COL26A1: variants seen among roughly 807,000 people sequenced by gnomAD.
COL26A1 encodes collagen type XXVI alpha 1 chain, also known as collagen alpha-1(XXVI) chain.
In COL26A1, 41 loss-of-function variants were observed where a neutral mutation model predicts 59.3. The ratio of observed to expected loss-of-function variants is 0.69; its 90% CI spans 0.54 to 0.90. The LOEUF (loss-of-function observed/expected upper bound fraction) is 0.90. Ranked by LOEUF, COL26A1 falls within the 40% of genes least tolerant of loss-of-function variation. The pLI, the probability that COL26A1 is intolerant of heterozygous loss-of-function variation, is 0.00. For missense variants in COL26A1, 612 were observed against 602.3 expected, an observed-to-expected ratio of 1.02 and a Z score of -0.17; for synonymous variants, 266 against 256.0, an observed-to-expected ratio of 1.04 and a Z score of -0.37.
chr7:101,471,571 G>GTTGTTTTTTTTT (rs1793903750), intron 3 of COL26A1, among the ~76,000 whole-genome samples: 2 of 93,014 alleles, frequency 2.2e-5, no homozygotes, highest in African/African-American at 7.8e-5. Context: ...GTTGTTGTTT[G>GTTGTTTTTTTTT]TTTTTTTTTT....
At chr7:101,366,474 ATTTTTTT>A (rs869149636) in intron 1 of COL26A1, among the ~76,000 whole-genome samples, 35 of 76,204 alleles carry the variant, frequency 4.6e-4, no homozygotes, top group African/African-American at 1.1e-3. Flanking sequence ...TTAACGTCTG[ATTTTTTT>A]TTTTTTTTTT....
At chr7:101,500,188 G>A (rs1002905724) in intron 3 of COL26A1, among the ~76,000 whole-genome samples, 2 of 152,174 alleles carry the variant, frequency 1.3e-5, no homozygotes, top group South Asian at 2.1e-4. Context: ...CAACGTCCCC[G>A]CCTCTCTCGC....
intron 1 of COL26A1, among the ~76,000 whole-genome samples, chr7:101,407,380 G>A (rs1474224036): frequency 3.9e-5 from 6 of 152,006 alleles, no homozygotes; most frequent in Non-Finnish European, 8.8e-5. Flanking sequence ...TCTAGAGAGG[G>A]CAGGTCTGAG....
intron 3 of COL26A1, among the ~76,000 whole-genome samples, chr7:101,481,688 C>T (rs1343184755): frequency 1.3e-5 from 2 of 151,620 alleles, no homozygotes; most frequent in Non-Finnish European, 2.9e-5. Flanking sequence ...TGGCCTCAAG[C>T]AATCCTCCTG....
At chr7:101,524,638 G>A (rs1167570008) in intron 3 of COL26A1, among the ~76,000 whole-genome samples, 1 of 152,138 alleles carries the variant, frequency 6.6e-6, no homozygotes, top group Admixed American at 6.6e-5. Context: ...TCTCAGTGGT[G>A]TTTTATAGTT....
intron 3 of COL26A1, among the ~76,000 whole-genome samples, chr7:101,495,664 C>T (rs1209775271): frequency 6.6e-6 from 1 of 151,206 alleles, no homozygotes; most frequent in East Asian, 2.0e-4. Context: ...TGTGATCCGC[C>T]CACCTCGGCC....
Position 101,363,040 on chromosome 7 carries a change from T to TGGCCCTGCTCC in COL26A1, c.9_19dup (p.Leu7ArgfsTer58), listed in dbSNP as rs1790933195. ...CGCGGGCTGCTGCGCACGATGAAGC[T>TGGCCCTGCTCC]GGCCCTGCTCCTGCCCTGGGCGTGT... On this transcript the variant is annotated frameshift_variant, in exon 1 of 13. Transcript: ENST00000313669. LOFTEE classifies it high-confidence loss of function. 2 of 1,578,970 alleles carry TGGCCCTGCTCC rather than the reference T, an allele frequency of 1.3e-6. No individual in the cohort carries two copies. The highest frequency in any genetic ancestry group is 1.7e-6 in the Non-Finnish European group (2 of 1,171,710).
chr7:101,372,071 C>G (rs1791208096), intron 1 of COL26A1, among the ~76,000 whole-genome samples: 1 of 152,164 alleles, frequency 6.6e-6, no homozygotes. Context: ...ACCCTCTGTT[C>G]ATGAATGTGA....
At position 101,476,847 on chromosome 7, in the gene COL26A1, A is replaced by ATT. The variant is rs140791070; in HGVS notation, c.385+29073_385+29074dup. On this transcript the variant is annotated intron_variant, in intron 3 of 12. Coordinates refer to ENST00000313669, the MANE Select transcript of COL26A1 (RefSeq NM_001278563.3). ...CAGGTGTGAGCCACCATGCCCAGCC[A>ATT]TTTTTTTTTTTTTTGAGATGGAATC... is the stretch of plus-strand genomic sequence containing the variant. Among the ~76,000 whole-genome samples the ATT allele has an allele frequency of 1.1e-3, 124 of 112,000 alleles. No individual in the cohort carries two copies. The East Asian group carries it at 0.011, about 10-fold the overall frequency. 73.5% of individuals were successfully genotyped at this position (112,000 alleles called of 152,430 possible).
At chr7:101,488,820 G>C (rs1794325303) in intron 3 of COL26A1, among the ~76,000 whole-genome samples, 1 of 152,152 alleles carries the variant, frequency 6.6e-6, no homozygotes, top group Admixed American at 6.6e-5. Flanking sequence ...TTTATTGTGT[G>C]TGTCCTGTCT....
chr7:101,442,106 T>A (rs1487917378), intron 2 of COL26A1, among the ~76,000 whole-genome samples: 1 of 152,200 alleles, frequency 6.6e-6, no homozygotes, highest in Non-Finnish European at 1.5e-5. Flanking sequence ...CTCAGCAGGG[T>A]GCAAACAACA....
chr7:101,433,492 G>C (rs1037225319), intron 2 of COL26A1, among the ~76,000 whole-genome samples: 1 of 152,060 alleles, frequency 6.6e-6, no homozygotes, highest in Non-Finnish European at 1.5e-5. Flanking sequence ...CCAGAGGGAG[G>C]GTGGAACAGA....
At chr7:101,375,136 A>C (rs1791284180) in intron 1 of COL26A1, among the ~76,000 whole-genome samples, 1 of 152,106 alleles carries the variant, frequency 6.6e-6, no homozygotes, top group African/African-American at 2.4e-5. Context: ...AGGCTGCCTG[A>C]GTCTGAGTCC....
chr7:101,425,884 T>C (rs1792635436), intron 2 of COL26A1, among the ~76,000 whole-genome samples: 2 of 149,690 alleles, frequency 1.3e-5, no homozygotes, highest in Non-Finnish European at 1.5e-5. Context: ...TGGAGTGCGG[T>C]GGCGTGATCT....
intron 1 of COL26A1, among the ~76,000 whole-genome samples, chr7:101,412,104 G>A (rs1402584557): frequency 6.6e-6 from 1 of 152,122 alleles, no homozygotes; most frequent in African/African-American, 2.4e-5. Flanking sequence ...AGGTGGTGAG[G>A]TAGGAGGTGG....
intron 7 of COL26A1, 67 bp downstream of exon 7, chr7:101,545,557 T>C: frequency 6.7e-7 from 1 of 1,502,162 alleles, no homozygotes; most frequent in Non-Finnish European, 8.9e-7. Context: ...GGATCAGCCT[T>C]CCTTAAAGGA....
At chr7:101,552,411 G>A (rs1795879830) in intron 10 of COL26A1, among the ~76,000 whole-genome samples, 2 of 151,660 alleles carry the variant, frequency 1.3e-5, no homozygotes, top group Admixed American at 6.6e-5. Flanking sequence ...GGAGTTCAAG[G>A]CCACCCTGGA....
chr7:101,387,630 G>GCTCTCTCTCTCTCTCTCT (rs374185692), intron 1 of COL26A1, among the ~76,000 whole-genome samples: 197 of 132,410 alleles, frequency 1.5e-3, no homozygotes, highest in African/African-American at 5.4e-3. Flanking sequence ...TCTCTCTCTC[G>GCTCTCTCTCTCTCTCTCT]CTCTCTCTCT....
At chr7:101,381,307 C>T (rs1791441791) in intron 1 of COL26A1, among the ~76,000 whole-genome samples, 1 of 152,100 alleles carries the variant, frequency 6.6e-6, no homozygotes, top group Non-Finnish European at 1.5e-5. Flanking sequence ...TTTCTGATAC[C>T]TCCTTTCTCT....
Sources: gnomAD v4.1 joint callset for allele counts (sites outside exome capture counted in the v4.1 genomes callset) on GRCh38, gnomAD v4.1.1 for gene constraint, MANE v1.5 for transcripts, NCBI Gene and HGNC (gene_info 2026-07-23, HGNC 2026-07-21) for gene names.